Variants in ERBB4 observed in about 807,000 individuals in gnomAD.
The protein encoded by ERBB4 is erb-b2 receptor tyrosine kinase 4, also known as receptor tyrosine-protein kinase erbB-4.
ERBB4 carries 42 observed loss-of-function variants against 158.0 expected under a neutral mutation model. The observed-to-expected ratio is 0.27, with a 90% CI of 0.21 to 0.34. ERBB4 has a LOEUF of 0.34. ERBB4 is among the 10% of genes least tolerant of loss of function. The probability of loss-of-function intolerance (pLI) is 1.00; values close to 1 mark genes in which losing one functional copy is unlikely to be tolerated. For missense variants in ERBB4, 1,333 were observed against 1,624.1 expected, an observed-to-expected ratio of 0.82 and a Z score of 3.08; for synonymous variants, 583 against 558.7, an observed-to-expected ratio of 1.04 and a Z score of -0.61.
rs551586582 is a variant in ERBB4, at chr2:211,781,450, T to C, written c.556+6575A>G. On this transcript the variant is annotated intron_variant, in intron 4 of 27. Transcript: ENST00000342788. ...GTTCTAGAAAGCAACTAAGAATGAG[T>C]GATGTACCTGGCGTAATCAAAGAAA... 2.6e-4 allele frequency among the ~76,000 whole-genome samples: 40 copies of C among 152,298 alleles called. No homozygotes were observed. In the Middle Eastern group the frequency reaches 0.01, roughly 39 times the overall value.
intron 1 of ERBB4, among the ~76,000 whole-genome samples, chr2:212,253,129 ACAT>A (rs35476735): frequency 0.11 from 16,624 of 152,130 alleles, 1,211 homozygotes; most frequent in South Asian, 0.36. Context: ...ATGTGAATAA[ACAT>A]CATGAGTAGC....
At chr2:212,022,055 T>C (rs994762921) in intron 2 of ERBB4, among the ~76,000 whole-genome samples, 3 of 152,268 alleles carry the variant, frequency 2.0e-5, no homozygotes, top group African/African-American at 7.2e-5. Flanking sequence ...GAAATAGGAA[T>C]GCTTTTACAC....
chr2:211,966,228 G>T (rs763021008), intron 2 of ERBB4, among the ~76,000 whole-genome samples: 5 of 151,904 alleles, frequency 3.3e-5, no homozygotes, highest in Non-Finnish European at 5.9e-5. Context: ...AAAGAAAAAA[G>T]AATTTCAATA....
intron 1 of ERBB4, among the ~76,000 whole-genome samples, chr2:212,266,903 C>T (rs2085156670): frequency 6.6e-6 from 1 of 151,998 alleles, no homozygotes; most frequent in Non-Finnish European, 1.5e-5. Flanking sequence ...ATTACCCACA[C>T]TATATTCTTA....
intron 25 of ERBB4, among the ~76,000 whole-genome samples, chr2:211,415,111 T>C (rs1018582366): frequency 2.0e-5 from 2 of 98,268 alleles, no homozygotes; most frequent in East Asian, 2.4e-4. Context: ...CATTTTCTTT[T>C]TTTTTTTTTT....
intron 1 of ERBB4, among the ~76,000 whole-genome samples, chr2:212,392,746 C>A (rs773726352): frequency 2.6e-5 from 4 of 152,016 alleles, no homozygotes; most frequent in African/African-American, 9.7e-5. Flanking sequence ...GCAATAATCA[C>A]ATATTGCTTG....
chr2:212,138,292 C>T (rs2125598711), intron 1 of ERBB4, among the ~76,000 whole-genome samples: 1 of 152,228 alleles, frequency 6.6e-6, no homozygotes, highest in African/African-American at 2.4e-5. Context: ...GAAGAAATTT[C>T]CTGGGCATAA....
chr2:211,679,178 T>C lies in ERBB4; in HGVS notation c.1496A>G (p.Glu499Gly). The change falls in exon 13 of 28, where the codon GAA (glutamate) becomes GGA (glycine). Residue 499 changes from glutamate (E) to glycine (G), a missense_variant. By Grantham distance (98) the Glu-to-Gly change is moderately conservative. This residue lies in a region of ERBB4 where 245 missense variants were observed against 247.5 expected (regional missense o/e 0.99). Coordinates refer to ENST00000342788, the MANE Select transcript of ERBB4 (RefSeq NM_005235.3). ...DNRKAENCTA[E>G]GMVCNHLCSS... ...ACACAGATGGTTGCACACCATTCCT[T>C]CAGCAGCTGTGAAACACCAAAATCA... The C allele has an allele frequency of 6.2e-7, 1 of 1,613,674 alleles. No homozygotes were observed. Among genetic ancestry groups the C allele is most frequent in the Non-Finnish European group, 8.5e-7 (1 of 1,179,798 alleles).
intron 3 of ERBB4, among the ~76,000 whole-genome samples, chr2:211,911,796 TAGAC>T: frequency 6.6e-6 from 1 of 150,992 alleles, no homozygotes; most frequent in East Asian, 1.9e-4. Context: ...AAATTTCAGT[TAGAC>T]AGGAGAGGTT....
chr2:211,442,031 C>G (rs748733730), intron 20 of ERBB4, among the ~76,000 whole-genome samples: 3 of 152,094 alleles, frequency 2.0e-5, no homozygotes, highest in Non-Finnish European at 2.9e-5. Context: ...TGCACATACA[C>G]TGAACCACGT....
chr2:212,137,940 C>T (rs1397275731), intron 1 of ERBB4, among the ~76,000 whole-genome samples: 2 of 152,108 alleles, frequency 1.3e-5, no homozygotes, highest in Non-Finnish European at 2.9e-5. Context: ...CGTTCTGTCA[C>T]GTATTTATTC....
Position 211,713,648 on chromosome 2 carries a change from T to C in ERBB4, c.884A>G (p.His295Arg). Residue 295 changes from histidine to arginine, a missense_variant and splice_region_variant, in exon 8 of 28, where the codon CAT becomes CGT. This residue lies in a region of ERBB4 where 438 missense variants were observed against 586.9 expected (regional missense o/e 0.75). Coordinates refer to ENST00000342788, the MANE Select transcript of ERBB4 (RefSeq NM_005235.3). The part of the protein sequence containing the change: ...YGAFCVKKCP[H>R]NFVVDSSSCV... ...AGAACTGGAATCTACCACAAAGTTA[T>C]CTGATTAAAAAAAAAAAAAAGGTAA... 1 of 1,540,518 alleles carries C rather than the reference T, an allele frequency of 6.5e-7. No homozygotes were observed. The highest frequency in any genetic ancestry group is 8.9e-7 in the Non-Finnish European group (1 of 1,125,384).
At chr2:212,263,274 T>C (rs889458138) in intron 1 of ERBB4, among the ~76,000 whole-genome samples, 2 of 152,106 alleles carry the variant, frequency 1.3e-5, no homozygotes, top group African/African-American at 4.8e-5. Flanking sequence ...CTTCCAGAAC[T>C]GTGAGAGAAC....
intron 1 of ERBB4, among the ~76,000 whole-genome samples, chr2:212,204,159 CA>C (rs950261021): frequency 5.3e-5 from 8 of 152,170 alleles, no homozygotes; most frequent in Admixed American, 4.6e-4. Context: ...GATTTTTTAA[CA>C]ATCTGATTCT....
intron 20 of ERBB4, among the ~76,000 whole-genome samples, chr2:211,524,699 C>T (rs896575794): frequency 5.1e-5 from 7 of 138,496 alleles, no homozygotes; most frequent in African/African-American, 1.8e-4. Flanking sequence ...CACGCCCACC[C>T]GGAACTCCAG....
At chr2:212,440,619 T>C (rs1180160390) in intron 1 of ERBB4, among the ~76,000 whole-genome samples, 2 of 152,026 alleles carry the variant, frequency 1.3e-5, no homozygotes, top group African/African-American at 2.4e-5. Flanking sequence ...AGTTTTGGGG[T>C]TTCTAGAGTT....
chr2:211,765,993 G>C (rs1198594116), intron 4 of ERBB4, among the ~76,000 whole-genome samples: 1 of 152,132 alleles, frequency 6.6e-6, no homozygotes, highest in Non-Finnish European at 1.5e-5. Context: ...AATAAAAGTG[G>C]CTGATCAAGA....
rs531948021 is a variant in ERBB4 at position 211,659,093 on chromosome 2, G to A, written c.1872-1265C>T. 3.3e-5 allele frequency among the ~76,000 whole-genome samples: 5 copies of A among 152,202 alleles called. No homozygotes were observed. The East Asian group carries it at 5.8e-4, about 18-fold the overall frequency. ...TACAATGATGTAAAAAGGTGCCAATGTATAAGGCCAGTCTATCCATTATAT... is the reference window on the plus strand; with the variant it reads ...TACAATGATGTAAAAAGGTGCCAATATATAAGGCCAGTCTATCCATTATAT... On this transcript the variant is annotated intron_variant, in intron 15 of 27. Transcript: ENST00000342788.
At chr2:212,001,081 G>A (rs1182696635) in intron 2 of ERBB4, among the ~76,000 whole-genome samples, 1 of 151,830 alleles carries the variant, frequency 6.6e-6, no homozygotes, top group Non-Finnish European at 1.5e-5. Flanking sequence ...TGTAAATTTT[G>A]TTTTAAATAT....
Sources: allele counts gnomAD v4.1 joint callset (sites outside exome capture counted in the v4.1 genomes callset), GRCh38; gene constraint gnomAD v4.1.1; regional missense constraint gnomAD v4.1.1; transcripts MANE v1.5; gene names NCBI Gene and HGNC (gene_info 2026-07-23, HGNC 2026-07-21).